Variants in SUCLG2 observed in about 807,000 individuals in gnomAD.
The protein encoded by SUCLG2 is succinate-CoA ligase GDP-forming subunit beta, also known as succinate--CoA ligase [GDP-forming] subunit beta, mitochondrial.
Under a neutral mutation model 47.9 loss-of-function variants are expected in SUCLG2, and 42 were observed. That is an observed-to-expected ratio of 0.88 (90% CI 0.69 to 1.14). The LOEUF (loss-of-function observed/expected upper bound fraction) is 1.14. SUCLG2 is among the 50% of genes most tolerant of loss of function. SUCLG2 has a pLI of 0.00. For synonymous variants in SUCLG2, 195 were observed against 197.3 expected (o/e 0.99, Z 0.10); for missense variants, 571 against 525.9 (o/e 1.09, Z -0.84).
In SUCLG2 at chr3:67,536,312, T is replaced by C. The variant is rs114248279; in HGVS notation, c.227-7126A>G. ...TGTTCGTTTCACTTTTACAGCAATA[T>C]TACTAATTTCAGAGATCATCTACCT... On this transcript the variant is annotated intron_variant, in intron 2 of 10. Transcript: ENST00000307227. Among the ~76,000 whole-genome samples the C allele has an allele frequency of 7.1e-3, 1,075 of 152,356 alleles. 8 individuals are homozygous for C. Among genetic ancestry groups the C allele is most frequent in the African/African-American group, 0.025 (1,031 of 41,586 alleles).
chr3:67,374,944 T>G lies in SUCLG2; in HGVS notation c.*800A>C, dbSNP rs1240056707. ...GAGAAGATAGTGATACTAAACACAATTTGATCTTCAGTGTTGTCTCATCTT... is the reference window on the plus strand; with the variant it reads ...GAGAAGATAGTGATACTAAACACAAGTTGATCTTCAGTGTTGTCTCATCTT... On this transcript the variant is annotated 3_prime_UTR_variant, in exon 11 of 11. Coordinates refer to ENST00000307227, the MANE Select transcript of SUCLG2 (RefSeq NM_003848.4). The G allele has an allele frequency of 1.0e-6, 1 of 985,584 alleles. No individual in the cohort carries two copies. Among genetic ancestry groups the G allele is most frequent in the African/African-American group, 1.7e-5 (1 of 57,204 alleles). The allele number at this position is 985,584 out of a possible 1,614,324, so 61.1% of individuals were successfully genotyped here.
intron 9 of SUCLG2, among the ~76,000 whole-genome samples, chr3:67,460,283 A>C (rs564173753): frequency 8.8e-4 from 134 of 152,228 alleles, no homozygotes; most frequent in Non-Finnish European, 1.6e-3. Context: ...TGTAAAAGTT[A>C]CAATCTGGTT....
chr3:67,403,748 T>C (rs2106820525), intron 9 of SUCLG2, among the ~76,000 whole-genome samples: 1 of 152,300 alleles, frequency 6.6e-6, no homozygotes, highest in South Asian at 2.1e-4. Context: ...TAAAGGCAGA[T>C]ATGTCACCCA....
chr3:67,459,518 G>C (rs947487464), intron 9 of SUCLG2, among the ~76,000 whole-genome samples: 7 of 152,136 alleles, frequency 4.6e-5, no homozygotes, highest in Admixed American at 1.3e-4. Flanking sequence ...ATTTGCTCAA[G>C]GGTCAAGTTT....
intron 10 of SUCLG2, 56 bp downstream of exon 10, chr3:67,400,675 G>A (rs1702661459): frequency 1.3e-6 from 2 of 1,594,834 alleles, no homozygotes; most frequent in Non-Finnish European, 1.7e-6. Context: ...AGAACATGCT[G>A]GTCACCTGAC....
At chr3:67,382,973 T>C (rs1431907108) in intron 10 of SUCLG2, among the ~76,000 whole-genome samples, 1 of 152,240 alleles carries the variant, frequency 6.6e-6, no homozygotes, top group African/African-American at 2.4e-5. Context: ...GTCCATTTTC[T>C]TGGTGACCTG....
intron 9 of SUCLG2, among the ~76,000 whole-genome samples, chr3:67,449,053 A>G (rs1235011900): frequency 1.3e-5 from 2 of 152,206 alleles, no homozygotes; most frequent in East Asian, 1.9e-4. Flanking sequence ...TTTACTTTAT[A>G]TAAGTGAGGT....
rs1466391579 is a variant in SUCLG2 at position 67,468,853 on chromosome 3, A to G, written c.1062+26945T>C. On this transcript the variant is annotated intron_variant, in intron 9 of 10. Transcript: ENST00000307227. ...AGGAAGCAATGGATAACGGAAACAG[A>G]GCTGAATACAAAATTACCTGTATGA... Among the ~76,000 whole-genome samples, 7 of 152,308 alleles carry G rather than the reference A, an allele frequency of 4.6e-5. No individual in the cohort carries two copies. In the East Asian group the frequency reaches 9.6e-4, roughly 21 times the overall value.
intron 7 of SUCLG2, among the ~76,000 whole-genome samples, chr3:67,501,236 T>C (rs916673470): frequency 3.3e-5 from 5 of 152,150 alleles, no homozygotes; most frequent in Non-Finnish European, 7.3e-5. Context: ...GACTTAGGAC[T>C]TAAGAAAGGG....
intron 2 of SUCLG2, among the ~76,000 whole-genome samples, chr3:67,569,897 G>A (rs936575091): frequency 6.6e-6 from 1 of 152,188 alleles, no homozygotes; most frequent in Non-Finnish European, 1.5e-5. Context: ...GCAGAAGGCA[G>A]AATGCTATGG....
intron 7 of SUCLG2, among the ~76,000 whole-genome samples, chr3:67,499,359 A>G (rs1430537509): frequency 6.6e-6 from 1 of 152,178 alleles, no homozygotes; most frequent in African/African-American, 2.4e-5. Context: ...CCTTAAAACA[A>G]GGGCCATGCC....
intron 7 of SUCLG2, among the ~76,000 whole-genome samples, chr3:67,500,725 C>G (rs1443970362): frequency 6.6e-6 from 1 of 152,168 alleles, no homozygotes; most frequent in African/African-American, 2.4e-5. Flanking sequence ...TCCTCCATTA[C>G]TCATTGGCAA....
intron 10 of SUCLG2, among the ~76,000 whole-genome samples, chr3:67,396,657 C>T (rs1386024608): frequency 1.3e-5 from 2 of 152,142 alleles, no homozygotes; most frequent in East Asian, 1.9e-4. Context: ...AGGGAATCCT[C>T]CCTAACTCAT....
At chr3:67,618,468 T>G (rs1266826620) in intron 1 of SUCLG2, among the ~76,000 whole-genome samples, 1 of 152,208 alleles carries the variant, frequency 6.6e-6, no homozygotes, top group East Asian at 1.9e-4. Flanking sequence ...TTTCATCTCA[T>G]TTGAACTAGG....
At chr3:67,633,816 G>A (rs1022033485) in intron 1 of SUCLG2, among the ~76,000 whole-genome samples, 3 of 152,108 alleles carry the variant, frequency 2.0e-5, no homozygotes, top group Admixed American at 2.0e-4. Flanking sequence ...TTTCCTTCAA[G>A]GATGGAATCC....
intron 2 of SUCLG2, among the ~76,000 whole-genome samples, chr3:67,532,137 A>C (rs145504514): frequency 2.0e-4 from 31 of 152,242 alleles, no homozygotes; most frequent in African/African-American, 7.0e-4. Flanking sequence ...TTGGGGTTTT[A>C]TTTTTGTTTT....
intron 1 of SUCLG2, among the ~76,000 whole-genome samples, chr3:67,635,424 G>A (rs1375784972): frequency 6.6e-6 from 1 of 152,166 alleles, no homozygotes; most frequent in Non-Finnish European, 1.5e-5. Context: ...AAAAAGCTGA[G>A]ATCCCAGTGA....
chr3:67,541,747 T>A (rs1476349466), intron 2 of SUCLG2, among the ~76,000 whole-genome samples: 1 of 151,806 alleles, frequency 6.6e-6, no homozygotes, highest in African/African-American at 2.4e-5. Context: ...AAGGAAAAAA[T>A]GTTAAGGGCA....
At chr3:67,369,268 T>C (rs1316991429) in intron 10 of SUCLG2, among the ~76,000 whole-genome samples, 2 of 152,220 alleles carry the variant, frequency 1.3e-5, no homozygotes, top group Non-Finnish European at 2.9e-5. Context: ...TCTTCAGTTA[T>C]ATGTTTTTCC....
Sources: allele counts gnomAD v4.1 joint callset (sites outside exome capture counted in the v4.1 genomes callset), GRCh38; gene constraint gnomAD v4.1.1; transcripts MANE v1.5; gene names NCBI Gene and HGNC (gene_info 2026-07-23, HGNC 2026-07-21).